PLCL1: variants seen among roughly 807,000 people sequenced by gnomAD.
PLCL1 encodes the protein phospholipase C like 1 (inactive), also known as inactive phospholipase C-like protein 1.
Under a neutral mutation model 84.4 loss-of-function variants are expected in PLCL1, and 41 were observed. That is an observed-to-expected ratio of 0.49 (90% CI 0.38 to 0.63). PLCL1 has a LOEUF of 0.63. PLCL1 is among the 30% of genes least tolerant of loss of function. PLCL1 has a pLI of 0.00. For synonymous variants in PLCL1, 490 were observed against 488.3 expected (o/e 1.00, Z -0.05); for missense variants, 1,206 against 1,367.8 (o/e 0.88, Z 1.87).
chr2:197,823,299 A>G (rs1353759775), intron 1 of PLCL1, among the ~76,000 whole-genome samples: 1 of 152,150 alleles, frequency 6.6e-6, no homozygotes, highest in Non-Finnish European at 1.5e-5. Context: ...GTGGTATAGC[A>G]CTACCATTAA....
intron 1 of PLCL1, among the ~76,000 whole-genome samples, chr2:198,053,786 G>T (rs1691997217): frequency 6.6e-6 from 1 of 152,220 alleles, no homozygotes; most frequent in Admixed American, 6.5e-5. Flanking sequence ...AAGATCAGGA[G>T]AAATAAAGCA....
At chr2:198,018,789 C>T (rs34692727) in intron 1 of PLCL1, among the ~76,000 whole-genome samples, 74,133 of 152,010 alleles carry the variant, frequency 0.49, 18,475 homozygotes, top group Middle Eastern at 0.63. Context: ...CAGGAAGGGG[C>T]GGCTGTAGGC....
chr2:197,887,893 C>T (rs780474932), intron 1 of PLCL1, among the ~76,000 whole-genome samples: 3 of 152,072 alleles, frequency 2.0e-5, no homozygotes, highest in Non-Finnish European at 2.9e-5. Flanking sequence ...CACTTGAGCT[C>T]AGGAGTTCGA....
intron 1 of PLCL1, among the ~76,000 whole-genome samples, chr2:198,025,763 A>G (rs1174036061): frequency 6.6e-6 from 1 of 152,184 alleles, no homozygotes; most frequent in East Asian, 1.9e-4. Context: ...ACAGCCTGGG[A>G]AAACTCCTAT....
rs757356633 is a variant in PLCL1, at chr2:198,083,820, G to A, written c.303G>A (p.Ser101=). 48 of 1,609,382 alleles carry A rather than the reference G, an allele frequency of 3.0e-5. No homozygotes were observed. Among genetic ancestry groups the A allele is most frequent in the Admixed American group, 1.3e-4 (8 of 59,578 alleles). Reference sequence around the variant, plus strand: ...CCGTGTCTTTCAGCAGCATGCCATCGGAAAAGAAAATTAGCAGTGCAAATG... The same window carrying A: ...CCGTGTCTTTCAGCAGCATGCCATCAGAAAAGAAAATTAGCAGTGCAAATG... ...KKTVSFSSMP[S]EKKISSANDC... The change falls in exon 2 of 6, where the codon TCG becomes TCA. Residue 101 remains serine (S), a synonymous_variant. Transcript: ENST00000428675.
chr2:197,897,604 A>G (rs1175863923), intron 1 of PLCL1, among the ~76,000 whole-genome samples: 2 of 150,774 alleles, frequency 1.3e-5, no homozygotes, highest in Non-Finnish European at 2.9e-5. Context: ...GTTTGCTTTA[A>G]TTAATAAGAT....
intron 1 of PLCL1, among the ~76,000 whole-genome samples, chr2:198,055,662 C>G (rs1692053757): frequency 6.6e-6 from 1 of 151,858 alleles, no homozygotes; most frequent in Non-Finnish European, 1.5e-5. Context: ...CTTTTTATCT[C>G]ACAACGACAT....
In PLCL1 at chr2:197,804,961, G is replaced by GCCGCCA; in HGVS notation, c.-137_-132dup. 2.8e-6 allele frequency: 3 copies of GCCGCCA among 1,080,262 alleles called. No homozygotes were observed. Among genetic ancestry groups the GCCGCCA allele is most frequent in the Admixed American group, 3.1e-5 (1 of 32,164 alleles). The allele number at this position is 1,080,262 out of a possible 1,614,324, so 66.9% of individuals were successfully genotyped here. On this transcript the variant is annotated 5_prime_UTR_variant, in exon 1 of 6. Coordinates refer to ENST00000428675, the MANE Select transcript of PLCL1 (RefSeq NM_006226.4). ...GAAAGTTGCCGCCGCCGCCGCCGCC[G>GCCGCCA]CCGCCACTGCCGCCGCTGGGCGGTG...
intron 1 of PLCL1, among the ~76,000 whole-genome samples, chr2:197,890,216 T>C (rs189256090): frequency 2.0e-5 from 3 of 152,332 alleles, no homozygotes; most frequent in Non-Finnish European, 4.4e-5. Context: ...AAAATTGAGC[T>C]ATATCATTTC....
intron 1 of PLCL1, among the ~76,000 whole-genome samples, chr2:198,080,926 G>C (rs1692696502): frequency 6.6e-6 from 1 of 152,194 alleles, no homozygotes; most frequent in African/African-American, 2.4e-5. Context: ...TTGCAGGCTA[G>C]ATGTAAAACA....
At chr2:198,081,134 T>A (rs1692706261) in intron 1 of PLCL1, among the ~76,000 whole-genome samples, 1 of 152,210 alleles carries the variant, frequency 6.6e-6, no homozygotes, top group African/African-American at 2.4e-5. Context: ...ATAGGAACCA[T>A]ATACATTCAT....
intron 1 of PLCL1, among the ~76,000 whole-genome samples, chr2:197,970,683 G>T (rs1689845751): frequency 6.6e-6 from 1 of 152,094 alleles, no homozygotes; most frequent in African/African-American, 2.4e-5. Context: ...TTATCTTTCT[G>T]TTAGATAGTG....
At chr2:197,906,010 G>A (rs1574942165) in intron 1 of PLCL1, among the ~76,000 whole-genome samples, 1 of 152,134 alleles carries the variant, frequency 6.6e-6, no homozygotes, top group East Asian at 1.9e-4. Flanking sequence ...CTCCCAATCT[G>A]TAGGTAGCCT....
chr2:197,848,411 A>C (rs911337099), intron 1 of PLCL1, among the ~76,000 whole-genome samples: 1 of 152,224 alleles, frequency 6.6e-6, no homozygotes, highest in African/African-American at 2.4e-5. Context: ...GCTCTTACAC[A>C]ACGAGAAATA....
At chr2:197,924,318 T>C (rs558688346) in intron 1 of PLCL1, among the ~76,000 whole-genome samples, 2 of 152,294 alleles carry the variant, frequency 1.3e-5, no homozygotes, top group East Asian at 3.9e-4. Context: ...CAGGCTCTGA[T>C]TGATAAATTC....
In PLCL1 at chr2:197,964,102, T is replaced by C. The variant is rs368183479; in HGVS notation, c.241-119656T>C. ...CTATGGTGTGTCTTTTGTGGTTTTATATAAATTTTAGGATTGTTTTCTCTC... is the reference window on the plus strand; with the variant it reads ...CTATGGTGTGTCTTTTGTGGTTTTACATAAATTTTAGGATTGTTTTCTCTC... On this transcript the variant is annotated intron_variant, in intron 1 of 5. Transcript: ENST00000428675. Among the ~76,000 whole-genome samples, 19 of 152,256 alleles carry C rather than the reference T, an allele frequency of 1.2e-4. No homozygotes were observed. In the South Asian group the frequency reaches 3.7e-3, roughly 30 times the overall value.
chr2:197,954,028 T>A (rs977933737), intron 1 of PLCL1, among the ~76,000 whole-genome samples: 4 of 152,092 alleles, frequency 2.6e-5, no homozygotes, highest in Non-Finnish European at 4.4e-5. Context: ...GCTGTTTGTT[T>A]TTAAAAAATT....
intron 1 of PLCL1, among the ~76,000 whole-genome samples, chr2:197,960,115 C>T (rs900588596): frequency 2.0e-5 from 3 of 152,048 alleles, no homozygotes; most frequent in African/African-American, 7.2e-5. Context: ...CTCTGGGTTC[C>T]TCAGATCACT....
At position 197,805,309 on chromosome 2, in the gene PLCL1, G is replaced by T; in HGVS notation, c.210G>T (p.Arg70=). Residue 70 remains arginine (R), a synonymous_variant, in exon 1 of 6, where the codon CGG becomes CGT. Coordinates refer to ENST00000428675, the MANE Select transcript of PLCL1 (RefSeq NM_006226.4). This position sits in a 1 kb window ranked among gnomAD's most constrained non-coding sequence, Gnocchi z 4.0. ...AGGCGGGCCTCCTGGAGGCAGCACGGGCGACCCCCCGGCGCAGCAGCATCA... is the reference window on the plus strand; with the variant it reads ...AGGCGGGCCTCCTGGAGGCAGCACGTGCGACCCCCCGGCGCAGCAGCATCA... ...DSEAGLLEAA[R]ATPRRSSIIK... is the part of the protein sequence containing the mutation. 1 of 1,307,188 alleles carries T rather than the reference G, an allele frequency of 7.7e-7. No individual in the cohort carries two copies. Among genetic ancestry groups the T allele is most frequent in the Non-Finnish European group, 9.7e-7 (1 of 1,032,082 alleles). 81.0% of individuals were successfully genotyped at this position (1,307,188 alleles called of 1,614,324 possible). A position where few individuals can be genotyped will look rare whatever the true frequency, so the allele number is the denominator to read the frequency against.
Sources: allele counts gnomAD v4.1 joint callset (sites outside exome capture counted in the v4.1 genomes callset), GRCh38; gene constraint gnomAD v4.1.1; non-coding constraint Gnocchi (gnomAD v3.1); transcripts MANE v1.5; gene names NCBI Gene and HGNC (gene_info 2026-07-23, HGNC 2026-07-21).